The following STK39 variants were observed in gnomAD, a reference collection of about 807,000 sequenced individuals.
STK39 encodes serine/threonine kinase 39.
A neutral mutation model predicts 77.8 loss-of-function variants in STK39; 20 were observed. That is an observed-to-expected ratio of 0.26 (90% confidence interval 0.18 to 0.37). STK39 has a LOEUF of 0.37. Among genes scored for constraint, STK39 ranks in the 10% least tolerant of loss-of-function variants. STK39 has a pLI of 1.00. For missense variants in STK39, 479 were observed against 656.5 expected (o/e 0.73, Z 2.95); for synonymous variants, 246 against 234.1 (o/e 1.05, Z -0.47).
At chr2:168,243,254 T>C (rs746585684) in intron 1 of STK39, among the ~76,000 whole-genome samples, 2 of 152,138 alleles carry the variant, frequency 1.3e-5, no homozygotes, top group Admixed American at 6.5e-5. Context: ...CAGAGCAAAG[T>C]GGGAATGCCC....
chr2:168,218,240 C>G (rs1452553243), intron 1 of STK39, among the ~76,000 whole-genome samples: 1 of 152,220 alleles, frequency 6.6e-6, no homozygotes, highest in African/African-American at 2.4e-5. Flanking sequence ...CTGCAGCTGT[C>G]ACTTGCCAAG....
chr2:168,113,094 T>C (rs906621900), intron 10 of STK39: 1 of 152,234 alleles, frequency 6.6e-6, no homozygotes, highest in Non-Finnish European at 1.5e-5. Flanking sequence ...CCCAGCCCTC[T>C]TCTCCATTGT....
intron 1 of STK39, among the ~76,000 whole-genome samples, chr2:168,214,214 G>T (rs1432739124): frequency 6.7e-6 from 1 of 149,730 alleles, no homozygotes. Context: ...TGGGGTTGCT[G>T]TAAGCAAATG....
intron 10 of STK39, among the ~76,000 whole-genome samples, chr2:168,103,601 T>C (rs1386392952): frequency 6.6e-6 from 1 of 152,224 alleles, no homozygotes; most frequent in Non-Finnish European, 1.5e-5. Context: ...AAGCAATGAT[T>C]CTTTGCACAT....
At chr2:168,033,919 T>C (rs930368650) in intron 14 of STK39, among the ~76,000 whole-genome samples, 1 of 152,326 alleles carries the variant, frequency 6.6e-6, no homozygotes, top group Admixed American at 6.5e-5. Flanking sequence ...GGAGAAGGCA[T>C]GGACAGTGCC....
At chr2:168,085,539 C>A (rs1223904499) in intron 10 of STK39, among the ~76,000 whole-genome samples, 2 of 152,216 alleles carry the variant, frequency 1.3e-5, no homozygotes, top group Admixed American at 6.5e-5. Flanking sequence ...CTCCTCTGCA[C>A]CCAGATCTGA....
chr2:168,064,887 T>C (rs913385336), intron 13 of STK39, among the ~76,000 whole-genome samples: 1 of 152,246 alleles, frequency 6.6e-6, no homozygotes, highest in Non-Finnish European at 1.5e-5. Context: ...TAAATGCATG[T>C]CACAGTTACT....
intron 5 of STK39, among the ~76,000 whole-genome samples, chr2:168,155,279 C>G (rs1688397319): frequency 6.6e-6 from 1 of 152,296 alleles, no homozygotes; most frequent in East Asian, 1.9e-4. Flanking sequence ...TGCTTACAAT[C>G]TCCCCAAGTA....
intron 17 of STK39, among the ~76,000 whole-genome samples, chr2:167,961,049 C>T (rs1691943583): frequency 6.6e-6 from 1 of 152,172 alleles, no homozygotes; most frequent in African/African-American, 2.4e-5. Context: ...CTCTTTTAGG[C>T]TGGGAGTAGG....
intron 10 of STK39, among the ~76,000 whole-genome samples, chr2:168,110,565 A>G (rs189305566): frequency 7.9e-4 from 121 of 152,230 alleles, no homozygotes; most frequent in Non-Finnish European, 1.6e-3. Context: ...TAGATTGTAT[A>G]TCTCATCTCG....
chr2:168,195,621 C>G (rs1274042367), intron 1 of STK39, among the ~76,000 whole-genome samples: 1 of 152,200 alleles, frequency 6.6e-6, no homozygotes, highest in East Asian at 1.9e-4. Context: ...GATTCAGTCT[C>G]CTGATGTGTC....
At chr2:168,056,215 T>G (rs1428499333) in intron 14 of STK39, among the ~76,000 whole-genome samples, 1 of 151,972 alleles carries the variant, frequency 6.6e-6, no homozygotes, top group African/African-American at 2.4e-5. Context: ...CAGGAATAAA[T>G]AAATAGTGGA....
intron 16 of STK39, among the ~76,000 whole-genome samples, chr2:167,966,807 A>G (rs1230480049): frequency 1.3e-5 from 2 of 152,214 alleles, no homozygotes; most frequent in Non-Finnish European, 2.9e-5. Flanking sequence ...AAAACTGGCC[A>G]CTTACCTGAT....
At chr2:168,182,118 G>C (rs745657724) in intron 1 of STK39, 28 bp from the exon 2 acceptor site, 2 of 1,575,796 alleles carry the variant, frequency 1.3e-6, no homozygotes, top group South Asian at 1.1e-5. Context: ...CAACATCAGC[G>C]ATCAAATGGC....
chr2:168,057,437 C>G (rs1559076637), intron 14 of STK39, among the ~76,000 whole-genome samples: 1 of 152,218 alleles, frequency 6.6e-6, no homozygotes, highest in Non-Finnish European at 1.5e-5. Flanking sequence ...AAGTGATCTG[C>G]CTGCCTTGGC....
At chr2:168,160,761 C>G (rs13423514) in intron 5 of STK39, among the ~76,000 whole-genome samples, 2 of 151,768 alleles carry the variant, frequency 1.3e-5, no homozygotes, top group Admixed American at 1.3e-4. Context: ...AGTTTGAAAT[C>G]TTTGCCCACA....
intron 17 of STK39, among the ~76,000 whole-genome samples, chr2:167,957,139 G>A (rs1042705294): frequency 1.3e-4 from 19 of 151,990 alleles, no homozygotes; most frequent in African/African-American, 3.9e-4. Flanking sequence ...TTTGTACCTT[G>A]AATATTTTCA....
intron 17 of STK39, among the ~76,000 whole-genome samples, chr2:167,956,687 CA>C: frequency 2.2e-5 from 1 of 45,604 alleles, no homozygotes; most frequent in African/African-American, 1.2e-4. Flanking sequence ...CACACACACA[CA>C]CACACACACT....
intron 16 of STK39, among the ~76,000 whole-genome samples, chr2:167,992,883 C>T (rs1284376443): frequency 6.6e-6 from 1 of 152,160 alleles, no homozygotes; most frequent in Non-Finnish European, 1.5e-5. Flanking sequence ...ATATAGCATA[C>T]ATAATCCAAA....
Sources: allele counts gnomAD v4.1 joint callset (sites outside exome capture counted in the v4.1 genomes callset), GRCh38; gene constraint gnomAD v4.1.1; transcripts MANE v1.5; gene names NCBI Gene and HGNC (gene_info 2026-07-23, HGNC 2026-07-21).